CAPZA2: variants seen among roughly 807,000 people sequenced by gnomAD.
The protein encoded by CAPZA2 is F-actin-capping protein subunit alpha-2.
In CAPZA2, 13 loss-of-function variants were observed where a neutral mutation model predicts 44.0. The ratio of observed to expected loss-of-function variants is 0.30; its 90% CI spans 0.19 to 0.47. CAPZA2 has a LOEUF of 0.47. CAPZA2 is among the 20% of genes least tolerant of loss of function. The pLI, the probability that CAPZA2 is intolerant of heterozygous loss-of-function variation, is 1.00. For synonymous variants in CAPZA2, 94 were observed against 108.2 expected (o/e 0.87, Z 0.81); for missense variants, 244 against 338.6 (o/e 0.72, Z 2.19).
At chr7:116,910,056 A>G (rs1791570515) in intron 6 of CAPZA2, 177 bp from the exon 7 acceptor site, 2 of 595,554 alleles carry the variant, frequency 3.4e-6, no homozygotes. Flanking sequence ...TTAAATATGT[A>G]TCATAACTGG....
At chr7:116,909,957 C>CA (rs1791568413) in intron 6 of CAPZA2, 3 of 410,566 alleles carry the variant, frequency 7.3e-6, no homozygotes, top group Non-Finnish European at 1.4e-5. Context: ...ACTGCACACA[C>CA]ACCAGCCTGA....
chr7:116,916,057 C>G lies in CAPZA2; in HGVS notation c.658-3C>G. On this transcript the variant is annotated splice_region_variant and splice_polypyrimidine_tract_variant and intron_variant, in intron 8 of 9. Transcript: ENST00000361183. ...ATTTTTATTTTGTTTTTTTTTTTTT[C>G]AGAATGAAGTGCAAACAGCAAAAGA... The G allele has an allele frequency of 6.0e-6, 7 of 1,172,592 alleles. No homozygotes were observed. The highest frequency in any genetic ancestry group is 2.0e-5 in the African/African-American group (1 of 49,748). The allele number at this position is 1,172,592 out of a possible 1,614,324, so 72.6% of individuals were successfully genotyped here.
intron 1 of CAPZA2, among the ~76,000 whole-genome samples, chr7:116,884,076 A>C (rs1796732101): frequency 6.6e-6 from 1 of 152,158 alleles, no homozygotes. Flanking sequence ...GGGATAAGGA[A>C]ATGAAGATAC....
chr7:116,903,501 C>T (rs1050287965), intron 4 of CAPZA2, among the ~76,000 whole-genome samples: 3 of 151,650 alleles, frequency 2.0e-5, no homozygotes, highest in East Asian at 1.9e-4. Flanking sequence ...GGATAAGTCC[C>T]GACATAGCTA....
intron 2 of CAPZA2, among the ~76,000 whole-genome samples, chr7:116,892,637 G>A (rs1480270961): frequency 6.6e-6 from 1 of 151,168 alleles, no homozygotes; most frequent in Non-Finnish European, 1.5e-5. Flanking sequence ...AATAGCTGAT[G>A]AGCTTAAAAA....
intron 2 of CAPZA2, among the ~76,000 whole-genome samples, chr7:116,890,321 A>G (rs953806658): frequency 5.9e-5 from 9 of 151,462 alleles, no homozygotes; most frequent in African/African-American, 1.9e-4. Flanking sequence ...AAGCTATGGA[A>G]TAGAAGTGGG....
At chr7:116,885,249 GT>G (rs575378654) in intron 1 of CAPZA2, among the ~76,000 whole-genome samples, 9 of 146,688 alleles carry the variant, frequency 6.1e-5, no homozygotes, top group South Asian at 4.3e-4. Context: ...CAGCTCACTA[GT>G]TTTTTTTTTG....
chr7:116,909,603 A>T (rs1791560698), intron 6 of CAPZA2, among the ~76,000 whole-genome samples: 1 of 152,046 alleles, frequency 6.6e-6, no homozygotes, highest in Admixed American at 6.5e-5. Flanking sequence ...AACTCATGTT[A>T]ATAAGTATAG....
At chr7:116,889,049 G>A (rs1796799513) in intron 2 of CAPZA2, among the ~76,000 whole-genome samples, 1 of 152,196 alleles carries the variant, frequency 6.6e-6, no homozygotes, top group African/African-American at 2.4e-5. Flanking sequence ...TCACTTCACA[G>A]TATGCGTTCC....
intron 4 of CAPZA2, among the ~76,000 whole-genome samples, chr7:116,902,606 A>G (rs1042661357): frequency 6.6e-6 from 1 of 152,224 alleles, no homozygotes; most frequent in African/African-American, 2.4e-5. Context: ...ACAGGAGTAT[A>G]TATTAAAAAT....
chr7:116,871,984 C>T (rs1359208288), intron 1 of CAPZA2, among the ~76,000 whole-genome samples: 2 of 152,016 alleles, frequency 1.3e-5, no homozygotes, highest in Non-Finnish European at 2.9e-5. Context: ...TCTGTAATTC[C>T]TTTTTGTTGT....
rs757001904 is a variant in CAPZA2, at chr7:116,916,048, T to G, written c.658-12T>G. On this transcript the variant is annotated splice_polypyrimidine_tract_variant and intron_variant, in intron 8 of 9. Coordinates refer to ENST00000361183, the MANE Select transcript of CAPZA2 (RefSeq NM_006136.3). ...TAAATTACTATTTTTATTTTGTTTT[T>G]TTTTTTTTCAGAATGAAGTGCAAAC... is the stretch of plus-strand genomic sequence containing the variant. 5.5e-5 allele frequency: 82 copies of G among 1,501,024 alleles called. No homozygotes were observed. Among genetic ancestry groups the G allele is most frequent in the African/African-American group, 1.6e-4 (11 of 69,570 alleles). 93.0% of individuals were successfully genotyped at this position (1,501,024 alleles called of 1,614,324 possible). A position where few individuals can be genotyped will look rare whatever the true frequency, so the allele number is the denominator to read the frequency against.
intron 9 of CAPZA2, among the ~76,000 whole-genome samples, chr7:116,916,756 C>CTATTT (rs1416217167): frequency 6.6e-6 from 1 of 152,198 alleles, no homozygotes; most frequent in Non-Finnish European, 1.5e-5. Context: ...TTTGCATTAT[C>CTATTT]TATTTACCAG....
intron 4 of CAPZA2, among the ~76,000 whole-genome samples, chr7:116,901,881 A>ATATGTGTGTGTGTG (rs375500363): frequency 0.019 from 2,711 of 140,860 alleles, 103 homozygotes; most frequent in African/African-American, 0.064. Flanking sequence ...TAACGAAGAA[A>ATATGTGTGTGTGTG]TGTGTGTGTG....
Position 116,919,366 on chromosome 7 carries a change from A to T in CAPZA2, c.*1499A>T, listed in dbSNP as rs1791731452. 6.6e-6 allele frequency: 1 copy of T among 152,376 alleles called. No individual in the cohort carries two copies. 9.4% of individuals were successfully genotyped at this position (152,376 alleles called of 1,614,324 possible). ...ACATTAATTATCTGTTCCTTTTTAA[A>T]ATATATATATTTGAAAGTTTGATGA... On this transcript the variant is annotated 3_prime_UTR_variant, in exon 10 of 10. Coordinates refer to ENST00000361183, the MANE Select transcript of CAPZA2 (RefSeq NM_006136.3).
intron 2 of CAPZA2, among the ~76,000 whole-genome samples, chr7:116,890,316 A>G (rs1796814202): frequency 1.3e-5 from 2 of 151,518 alleles, no homozygotes; most frequent in Admixed American, 6.6e-5. Context: ...AGGGTAAGCT[A>G]TGGAATAGAA....
Position 116,917,764 on chromosome 7 carries a change from C to G in CAPZA2, c.758C>G (p.Thr253Ser), listed in dbSNP as rs1473479236. 2 of 1,607,822 alleles carry G rather than the reference C, an allele frequency of 1.2e-6. No homozygotes were observed. Among genetic ancestry groups the G allele is most frequent in the Non-Finnish European group, 1.7e-6 (2 of 1,174,236 alleles). Residue 253 changes from threonine to serine, a missense_variant, in exon 10 of 10, where the codon ACT (threonine) becomes AGT (serine). Thr to Ser is a moderately conservative substitution (Grantham distance 58, BLOSUM62 1). Coordinates refer to ENST00000361183, the MANE Select transcript of CAPZA2 (RefSeq NM_006136.3). ...GAGAATTATCAGACAATGTCGGACACTACTTTCAAAGCCTTACGTCGACAG... is the reference window on the plus strand; with the variant it reads ...GAGAATTATCAGACAATGTCGGACAGTACTTTCAAAGCCTTACGTCGACAG... ...ISENYQTMSD[T>S]TFKALRRQLP...
chr7:116,893,593 G>A (rs913976709), intron 3 of CAPZA2, among the ~76,000 whole-genome samples: 6 of 152,154 alleles, frequency 3.9e-5, no homozygotes, highest in South Asian at 2.1e-4. Flanking sequence ...TGTGTCTAGC[G>A]GTGCCTTATA....
At chr7:116,889,865 G>A (rs544024026) in intron 2 of CAPZA2, among the ~76,000 whole-genome samples, 1 of 152,256 alleles carries the variant, frequency 6.6e-6, no homozygotes, top group East Asian at 1.9e-4. Context: ...AGTGAACTAG[G>A]GAGTTGGAGA....
Sources: gnomAD v4.1 joint callset for allele counts (sites outside exome capture counted in the v4.1 genomes callset) on GRCh38, gnomAD v4.1.1 for gene constraint, MANE v1.5 for transcripts, NCBI Gene and HGNC (gene_info 2026-07-23, HGNC 2026-07-21) for gene names.